GALNT2: variants seen among roughly 807,000 people sequenced by gnomAD.
GALNT2 encodes UDP-GalNAc:polypeptide N-acetylgalactosaminyltransferase 2.
GALNT2 carries 31 observed loss-of-function variants against 81.4 expected under a neutral mutation model. The observed-to-expected ratio is 0.38, with a 90% confidence interval of 0.29 to 0.51. The LOEUF (loss-of-function observed/expected upper bound fraction) is 0.51, where lower values mean the gene tolerates loss of function less well. Among genes scored for constraint, GALNT2 ranks in the 20% least tolerant of loss-of-function variants. The pLI, the probability that GALNT2 is intolerant of heterozygous loss-of-function variation, is 0.87. For synonymous variants in GALNT2, 303 were observed against 287.4 expected (o/e 1.05, Z -0.55); for missense variants, 629 against 765.7 (o/e 0.82, Z 2.11).
intron 1 of GALNT2, among the ~76,000 whole-genome samples, chr1:230,083,374 C>T (rs1187408644): frequency 3.3e-5 from 4 of 119,960 alleles, no homozygotes; most frequent in Admixed American, 8.7e-5. Context: ...GCTGGGATGA[C>T]GGAGCAGGGA....
At chr1:230,096,977 G>A (rs893075566) in intron 1 of GALNT2, among the ~76,000 whole-genome samples, 2 of 152,148 alleles carry the variant, frequency 1.3e-5, no homozygotes, top group African/African-American at 4.8e-5. Context: ...TATTAAATTT[G>A]TTGGGAGAAC....
chr1:230,244,000 A>G lies in GALNT2; in HGVS notation c.729+573A>G, dbSNP rs1306317143. ...TCTGCACCTTCTGCTTTCTAGAAAC[A>G]TCATTGCTAATATTACATTTGGCCT... On this transcript the variant is annotated intron_variant, in intron 7 of 15. Coordinates refer to ENST00000366672, the MANE Select transcript of GALNT2 (RefSeq NM_004481.5). This position sits in a 1 kb window ranked among gnomAD's most constrained non-coding sequence, Gnocchi z 4.2. 6.6e-6 allele frequency among the ~76,000 whole-genome samples: 1 copy of G among 151,966 alleles called. No homozygotes were observed. The highest frequency in any genetic ancestry group is 1.5e-5 in the Non-Finnish European group (1 of 67,994).
chr1:230,205,977 A>C (rs979049086), intron 3 of GALNT2, among the ~76,000 whole-genome samples: 8 of 152,186 alleles, frequency 5.3e-5, no homozygotes, highest in Non-Finnish European at 1.5e-5. Context: ...TGTAGCTTTT[A>C]AGAAGGGCTT....
intron 1 of GALNT2, among the ~76,000 whole-genome samples, chr1:230,176,637 G>C (rs866046876): frequency 6.6e-6 from 1 of 152,216 alleles, no homozygotes; most frequent in African/African-American, 2.4e-5. Context: ...TGTAAAGCCA[G>C]TTGGTGGGTT....
At position 230,240,663 on chromosome 1, in the gene GALNT2, G is replaced by GTTT. The variant is rs35147394; in HGVS notation, c.608-2633_608-2631dup. ...CTGGCTGCTTTTTGTCTCTATATCT[G>GTTT]TTTTTTTTTTTTAACAATTTGATTA... is the stretch of plus-strand genomic sequence containing the variant. On this transcript the variant is annotated intron_variant, in intron 6 of 15. Transcript: ENST00000366672. 2.8e-3 allele frequency among the ~76,000 whole-genome samples: 398 copies of GTTT among 144,562 alleles called. 2 individuals are homozygous for GTTT. Among genetic ancestry groups the GTTT allele is most frequent in the African/African-American group, 9.6e-3 (380 of 39,544 alleles). The allele number at this position is 144,562 out of a possible 152,430, so 94.8% of individuals were successfully genotyped here. A position where few individuals can be genotyped will look rare whatever the true frequency, so the allele number is the denominator to read the frequency against.
intron 1 of GALNT2, among the ~76,000 whole-genome samples, chr1:230,135,539 C>G (rs1313550888): frequency 6.6e-6 from 1 of 152,180 alleles, no homozygotes. Context: ...AATCACACGG[C>G]GGGGAGGTGG....
At chr1:230,176,345 A>T (rs1016375906) in intron 1 of GALNT2, among the ~76,000 whole-genome samples, 5 of 152,224 alleles carry the variant, frequency 3.3e-5, no homozygotes, top group Non-Finnish European at 7.3e-5. Context: ...ACTACAGATG[A>T]TGACTTTATT....
upstream of GALNT2, among the ~76,000 whole-genome samples, chr1:230,065,195 C>A (rs1167679775): frequency 3.3e-5 from 5 of 152,092 alleles, no homozygotes; most frequent in African/African-American, 1.2e-4. Flanking sequence ...TTACTTCTAT[C>A]TTTATATTAT....
chr1:230,262,020 A>C (rs1220861714), intron 11 of GALNT2: 1 of 151,902 alleles, frequency 6.6e-6, no homozygotes, highest in Non-Finnish European at 1.5e-5. Context: ...AAAAAAAAAA[A>C]GCTAGTGCAA....
intron 1 of GALNT2, among the ~76,000 whole-genome samples, chr1:230,072,922 C>G (rs902822832): frequency 6.6e-6 from 1 of 152,192 alleles, no homozygotes; most frequent in African/African-American, 2.4e-5. Flanking sequence ...GAGGCCTAGC[C>G]CCACTTCCAT....
intron 1 of GALNT2, among the ~76,000 whole-genome samples, chr1:230,083,866 C>T (rs1327050756): frequency 1.3e-5 from 2 of 152,044 alleles, no homozygotes; most frequent in Admixed American, 6.5e-5. Flanking sequence ...AGAAGGGGGC[C>T]GGAGGGGGCC....
intron 1 of GALNT2, among the ~76,000 whole-genome samples, chr1:230,062,027 G>A (rs372678268): frequency 2.0e-5 from 3 of 152,068 alleles, no homozygotes; most frequent in Non-Finnish European, 4.4e-5. Flanking sequence ...GTTCACGGAC[G>A]TCTTCCTTAT....
intron 2 of GALNT2, among the ~76,000 whole-genome samples, chr1:230,179,889 A>G (rs1212826800): frequency 6.6e-6 from 1 of 152,096 alleles, no homozygotes; most frequent in Non-Finnish European, 1.5e-5. Context: ...ATTTTCTTCT[A>G]TGTTATCTTC....
Position 230,238,546 on chromosome 1 carries a change from C to T in GALNT2, c.607+1821C>T, listed in dbSNP as rs538505690. On this transcript the variant is annotated intron_variant, in intron 6 of 15. Coordinates refer to ENST00000366672, the MANE Select transcript of GALNT2 (RefSeq NM_004481.5). The stretch of plus-strand genomic sequence containing the variant: ...CTAGGTGGCTTTCTCAAGGCCCTTA[C>T]AGCTATTTAATGACAATAGTAGGAC... 3.3e-4 allele frequency among the ~76,000 whole-genome samples: 50 copies of T among 152,270 alleles called. 1 individual carries two copies. The South Asian group carries it at 7.5e-3, about 23-fold the overall frequency.
chr1:230,216,088 GA>G (rs1664383195), intron 3 of GALNT2, among the ~76,000 whole-genome samples: 1 of 152,126 alleles, frequency 6.6e-6, no homozygotes, highest in Non-Finnish European at 1.5e-5. Context: ...ATTAGACCAG[GA>G]AAAATGGAGT....
At position 230,236,720 on chromosome 1, in the gene GALNT2, G is replaced by T; in HGVS notation, c.602G>T (p.Arg201Leu). 6.2e-7 allele frequency: 1 copy of T among 1,613,308 alleles called. No individual in the cohort carries two copies. Among genetic ancestry groups the T allele is most frequent in the Non-Finnish European group, 8.5e-7 (1 of 1,179,834 alleles). ...EKVRVLRNDR[R>L]EGLMRSRVRG... Reference sequence around the variant, plus strand: ...GTGCGAGTTCTTAGAAATGATCGACGAGAAGGTAAGATTCTTCTTAATTCA... The same window carrying T: ...GTGCGAGTTCTTAGAAATGATCGACTAGAAGGTAAGATTCTTCTTAATTCA... Residue 201 changes from arginine (R) to leucine (L), a missense_variant, in exon 6 of 16, where the codon CGA (arginine) becomes CTA (leucine). Around this residue, in one of 3 missense-constraint regions of GALNT2, gnomAD observed 360 missense variants for 492.8 expected, o/e 0.73. Transcript: ENST00000366672.
rs1665462439 is a variant in GALNT2, at chr1:230,249,116, G to C, written c.818-68G>C. ...AACATCGAATATTTTTAAGCTGTGA[G>C]GAATGGGGGTGTCGGGAGGAAGTGG... is the stretch of plus-strand genomic sequence containing the variant. On this transcript the variant is annotated intron_variant, in intron 8 of 15. Coordinates refer to ENST00000366672, the MANE Select transcript of GALNT2 (RefSeq NM_004481.5). 3.6e-6 allele frequency: 5 copies of C among 1,379,716 alleles called. No homozygotes were observed. The Admixed American group carries it at 6.9e-5, about 19-fold the overall frequency. 85.5% of individuals were successfully genotyped at this position (1,379,716 alleles called of 1,614,324 possible). A position where few individuals can be genotyped will look rare whatever the true frequency, so the allele number is the denominator to read the frequency against.
At chr1:230,065,839 T>G (rs1358336603), upstream of GALNT2, among the ~76,000 whole-genome samples, 2 of 152,200 alleles carry the variant, frequency 1.3e-5, no homozygotes, top group Non-Finnish European at 2.9e-5. Context: ...TCTTTTCGTA[T>G]TTATCTGACT....
chr1:230,127,668 C>T (rs921348441), intron 1 of GALNT2, among the ~76,000 whole-genome samples: 14 of 145,378 alleles, frequency 9.6e-5, no homozygotes, highest in Middle Eastern at 3.6e-3. Context: ...GCCACTGTGC[C>T]GGCCGAGGGT....
Sources: allele counts gnomAD v4.1 joint callset (sites outside exome capture counted in the v4.1 genomes callset), GRCh38; gene constraint gnomAD v4.1.1; regional missense constraint gnomAD v4.1.1; non-coding constraint Gnocchi (gnomAD v3.1); transcripts MANE v1.5; gene names NCBI Gene and HGNC (gene_info 2026-07-23, HGNC 2026-07-21).